The following VSTM2L variants were observed in gnomAD, a reference collection of about 807,000 sequenced individuals.
VSTM2L encodes the protein V-set and transmembrane domain containing 2 like.
Under a neutral mutation model 19.9 loss-of-function variants are expected in VSTM2L, and 9 were observed. That is an observed-to-expected ratio of 0.45 (90% CI 0.27 to 0.79). The LOEUF (loss-of-function observed/expected upper bound fraction) is 0.79, where lower values mean the gene tolerates loss of function less well. VSTM2L is among the 30% of genes least tolerant of loss of function. The pLI, the probability that VSTM2L is intolerant of heterozygous loss-of-function variation, is 0.15. For synonymous variants in VSTM2L, 127 were observed against 133.8 expected (o/e 0.95, Z 0.35); for missense variants, 286 against 295.5 (o/e 0.97, Z 0.24).
intron 3 of VSTM2L, among the ~76,000 whole-genome samples, chr20:37,940,522 G>A (rs572904688): frequency 6.6e-6 from 1 of 152,350 alleles, no homozygotes; most frequent in African/African-American, 2.4e-5. Flanking sequence ...GGTGGCCCTC[G>A]GTGAGCCTGT....
chr20:37,943,409 G>A (rs1169406826), intron 3 of VSTM2L, among the ~76,000 whole-genome samples: 1 of 150,640 alleles, frequency 6.6e-6, no homozygotes, highest in Non-Finnish European at 1.5e-5. Context: ...CTGAGTAGCT[G>A]GGACTGCAGG....
chr20:37,940,309 C>T (rs1240554503), intron 3 of VSTM2L, among the ~76,000 whole-genome samples: 1 of 152,234 alleles, frequency 6.6e-6, no homozygotes, highest in African/African-American at 2.4e-5. Flanking sequence ...GGCACCCCCA[C>T]AGCCAGAGGG....
At chr20:37,930,858 G>A (rs1314836123) in intron 1 of VSTM2L, among the ~76,000 whole-genome samples, 1 of 152,210 alleles carries the variant, frequency 6.6e-6, no homozygotes, top group Non-Finnish European at 1.5e-5. Context: ...GCAACTGCCA[G>A]CGGCAGGAGC....
chr20:37,943,080 G>T (rs1202572234), intron 3 of VSTM2L, among the ~76,000 whole-genome samples: 4 of 151,816 alleles, frequency 2.6e-5, no homozygotes, highest in Non-Finnish European at 5.9e-5. Context: ...TGATTTTCGT[G>T]CCTCAGTCTC....
At chr20:37,943,432 T>G (rs1340223670) in intron 3 of VSTM2L, among the ~76,000 whole-genome samples, 6 of 150,900 alleles carry the variant, frequency 4.0e-5, no homozygotes, top group African/African-American at 1.5e-4. Flanking sequence ...CCTCTATTTT[T>G]TTTTTTTTTT....
chr20:37,934,845 T>C (rs965333449), intron 3 of VSTM2L, among the ~76,000 whole-genome samples: 4 of 152,124 alleles, frequency 2.6e-5, no homozygotes, highest in Non-Finnish European at 5.9e-5. Context: ...CTTCAAAGCA[T>C]CATTTGTGCT....
At position 37,938,743 on chromosome 20, in the gene VSTM2L, C is replaced by G. The variant is rs1022112720; in HGVS notation, c.342+5154C>G. ...AGGTGATTATGATTTACAGCTGGGT[C>G]GCCATGCGGGGGTCCCTTTCTTCGT... On this transcript the variant is annotated intron_variant, in intron 3 of 3. Transcript: ENST00000373461. 3.3e-5 allele frequency among the ~76,000 whole-genome samples: 5 copies of G among 152,192 alleles called. No individual in the cohort carries two copies. In the South Asian group the frequency reaches 6.2e-4, roughly 19 times the overall value.
At chr20:37,907,727 C>T (rs2072758625) in intron 1 of VSTM2L, among the ~76,000 whole-genome samples, 1 of 152,190 alleles carries the variant, frequency 6.6e-6, no homozygotes, top group South Asian at 2.1e-4. Context: ...ATTCATATAC[C>T]CCAGTGCAGA....
At chr20:37,924,612 G>A (rs1226020897) in intron 1 of VSTM2L, among the ~76,000 whole-genome samples, 1 of 151,606 alleles carries the variant, frequency 6.6e-6, no homozygotes, top group African/African-American at 2.4e-5. Context: ...AAAGAGCTAG[G>A]CACGGTGCCT....
At chr20:37,911,416 C>G (rs1261208164) in intron 1 of VSTM2L, among the ~76,000 whole-genome samples, 1 of 152,164 alleles carries the variant, frequency 6.6e-6, no homozygotes, top group Non-Finnish European at 1.5e-5. Flanking sequence ...TGCCTTATTT[C>G]CCAAAGGAGC....
In VSTM2L at chr20:37,943,984, G is replaced by T; in HGVS notation, c.346G>T (p.Val116Phe). Residue 116 changes from valine to phenylalanine, a missense_variant, in exon 4 of 4, where the codon GTC (valine) becomes TTC (phenylalanine). Physicochemically the swap from Val to Phe is conservative, Grantham distance 50. Transcript: ENST00000373461. ...AGKEATKISVVKVVGSNISHK... is the reference protein window; with the variant it reads ...AGKEATKISVFKVVGSNISHK... The stretch of plus-strand genomic sequence containing the variant: ...ACGGTCTCTCTGTCACCCCCAGGTG[G>T]TCAAGGTGGTGGGCAGCAACATCTC... The T allele has an allele frequency of 6.4e-7, 1 of 1,563,608 alleles. No individual in the cohort carries two copies. Among genetic ancestry groups the T allele is most frequent in the Non-Finnish European group, 8.7e-7 (1 of 1,148,172 alleles).
chr20:37,939,890 C>T (rs372787180), intron 3 of VSTM2L, among the ~76,000 whole-genome samples: 2 of 152,290 alleles, frequency 1.3e-5, no homozygotes, highest in East Asian at 3.9e-4. Context: ...CTGCCCTCCT[C>T]CTCTCTGAGA....
chr20:37,922,874 G>A (rs2072859619), intron 1 of VSTM2L, among the ~76,000 whole-genome samples: 1 of 151,700 alleles, frequency 6.6e-6, no homozygotes, highest in African/African-American at 2.4e-5. Context: ...AAGAGCTAGA[G>A]GACCGGTGGG....
rs945750654 is a variant in VSTM2L, at chr20:37,925,485, G to A, written c.122-6150G>A. Among the ~76,000 whole-genome samples, 9 of 152,108 alleles carry A rather than the reference G, an allele frequency of 5.9e-5. No homozygotes were observed. The East Asian group carries it at 1.4e-3, about 23-fold the overall frequency. On this transcript the variant is annotated intron_variant, in intron 1 of 3. Transcript: ENST00000373461. ...CCTTGGCTCCCAGTCCAATGCTCCC[G>A]GCACTTACCTACGTCCACAGCGGGC... is the stretch of plus-strand genomic sequence containing the variant.
At chr20:37,934,372 C>A (rs1342749527) in intron 3 of VSTM2L, among the ~76,000 whole-genome samples, 1 of 152,086 alleles carries the variant, frequency 6.6e-6, no homozygotes, top group East Asian at 1.9e-4. Context: ...CCCAGGGACA[C>A]ATGTGGCCAT....
At chr20:37,941,593 C>T (rs1280426771) in intron 3 of VSTM2L, among the ~76,000 whole-genome samples, 3 of 152,156 alleles carry the variant, frequency 2.0e-5, no homozygotes, top group Non-Finnish European at 4.4e-5. Flanking sequence ...CAGGGGCATC[C>T]CACCTGGAGC....
At position 37,910,094 on chromosome 20, in the gene VSTM2L, C is replaced by T. The variant is rs139408577; in HGVS notation, c.121+6623C>T. Reference sequence around the variant, plus strand: ...GGCCCGCAACAAGATTGGGTCCTACCGGAGAGATGATTTTAGGCAGAACCT... The same window carrying T: ...GGCCCGCAACAAGATTGGGTCCTACTGGAGAGATGATTTTAGGCAGAACCT... On this transcript the variant is annotated intron_variant, in intron 1 of 3. Transcript: ENST00000373461. 7.3e-4 allele frequency among the ~76,000 whole-genome samples: 111 copies of T among 152,320 alleles called. No individual in the cohort carries two copies. In the East Asian group the frequency reaches 0.02, roughly 27 times the overall value.
chr20:37,916,462 A>G (rs1331313117), intron 1 of VSTM2L, among the ~76,000 whole-genome samples: 2 of 152,248 alleles, frequency 1.3e-5, no homozygotes, highest in African/African-American at 2.4e-5. Flanking sequence ...CAAGTGCCAG[A>G]ATATTTTAGT....
intron 1 of VSTM2L, among the ~76,000 whole-genome samples, chr20:37,930,406 C>T (rs1005534665): frequency 2.0e-5 from 3 of 152,150 alleles, no homozygotes; most frequent in African/African-American, 7.2e-5. Flanking sequence ...ATCTGCCCCT[C>T]TGGGCCAGGG....
Sources: gnomAD v4.1 joint callset for allele counts (sites outside exome capture counted in the v4.1 genomes callset) on GRCh38, gnomAD v4.1.1 for gene constraint, MANE v1.5 for transcripts, NCBI Gene and HGNC (gene_info 2026-07-23, HGNC 2026-07-21) for gene names.